Variants in PSMB7 observed in about 807,000 individuals in gnomAD.
The protein encoded by PSMB7 is proteasome subunit beta type-7.
In PSMB7, 5 loss-of-function variants were observed where a neutral mutation model predicts 28.1. The ratio of observed to expected loss-of-function variants is 0.18; its 90% CI spans 0.09 to 0.37. The LOEUF is 0.37. Ranked by LOEUF, PSMB7 falls within the 10% of genes least tolerant of loss-of-function variation. The probability of loss-of-function intolerance (pLI) is 1.00; values close to 1 mark genes in which losing one functional copy is unlikely to be tolerated. For missense variants in PSMB7, 275 were observed against 346.2 expected (o/e 0.79, Z 1.63); for synonymous variants, 122 against 123.7 (o/e 0.99, Z 0.09).
chr9:124,364,524 GAAAA>G (rs10595510), intron 6 of PSMB7, among the ~76,000 whole-genome samples: 1 of 132,118 alleles, frequency 7.6e-6, no homozygotes, highest in Non-Finnish European at 1.6e-5. Context: ...TGTAATCAGA[GAAAA>G]AAAAAAAAAA....
At chr9:124,368,328 T>G (rs903117534) in intron 6 of PSMB7, among the ~76,000 whole-genome samples, 2 of 152,266 alleles carry the variant, frequency 1.3e-5, no homozygotes, top group Non-Finnish European at 2.9e-5. Context: ...GGGTTTCTCT[T>G]TTTAAAGTAC....
At chr9:124,369,642 C>T (rs1830542447) in intron 6 of PSMB7, among the ~76,000 whole-genome samples, 1 of 152,210 alleles carries the variant, frequency 6.6e-6, no homozygotes, top group African/African-American at 2.4e-5. Context: ...TAGACACTGT[C>T]TGCCATTTCC....
intron 5 of PSMB7, among the ~76,000 whole-genome samples, chr9:124,402,508 G>T (rs1280394192): frequency 1.3e-5 from 2 of 152,170 alleles, no homozygotes; most frequent in African/African-American, 4.8e-5. Flanking sequence ...GGATTCAGAG[G>T]TGAAAGGCTG....
intron 6 of PSMB7, among the ~76,000 whole-genome samples, chr9:124,380,740 T>C (rs745776929): frequency 6.6e-5 from 10 of 152,258 alleles, no homozygotes; most frequent in South Asian, 4.2e-4. Context: ...CCAAAACCCA[T>C]TGAACTCTAC....
At chr9:124,405,197 G>A (rs984848733) in intron 5 of PSMB7, 120 bp downstream of exon 5, 1 of 661,578 alleles carries the variant, frequency 1.5e-6, no homozygotes, top group African/African-American at 1.8e-5. Flanking sequence ...GTATATATTT[G>A]CTGAATGAAT....
chr9:124,402,702 A>T (rs1830924056), intron 5 of PSMB7, among the ~76,000 whole-genome samples: 1 of 152,062 alleles, frequency 6.6e-6, no homozygotes, highest in African/African-American at 2.4e-5. Flanking sequence ...AAATTTAAGT[A>T]AAAAAAAGAA....
rs949200035 is a variant in PSMB7, at chr9:124,356,389, C to T, written c.722+375G>A. Among the ~76,000 whole-genome samples, 2 of 152,266 alleles carry T rather than the reference C, an allele frequency of 1.3e-5. No individual in the cohort carries two copies. Among genetic ancestry groups the T allele is most frequent in the East Asian group, 1.9e-4 (1 of 5,172 alleles). Reference sequence around the variant, plus strand: ...CTGACTTACACCCAGTTAGGAATCTCGGGGCACTCTGAGGGAAAGTGCTGG... The same window carrying T: ...CTGACTTACACCCAGTTAGGAATCTTGGGGCACTCTGAGGGAAAGTGCTGG... On this transcript the variant is annotated intron_variant, in intron 7 of 7. Transcript: ENST00000259457. This position sits in a 1 kb window ranked among gnomAD's most constrained non-coding sequence, Gnocchi z 4.4.
At chr9:124,386,965 G>A (rs962410272) in intron 5 of PSMB7, among the ~76,000 whole-genome samples, 1 of 151,926 alleles carries the variant, frequency 6.6e-6, no homozygotes, top group Non-Finnish European at 1.5e-5. Context: ...CCTTTTTCCT[G>A]GCCGGGCGCG....
At position 124,357,761 on chromosome 9, in the gene PSMB7, G is replaced by A. The variant is rs564720503; in HGVS notation, c.571-846C>T. On this transcript the variant is annotated intron_variant, in intron 6 of 7. Transcript: ENST00000259457. The stretch of plus-strand genomic sequence containing the variant: ...GCTGCAGAGGTGGATGACGCCCCCA[G>A]ATCCCTGCCCCCTAGGGGCTTAAGA... Among the ~76,000 whole-genome samples the A allele has an allele frequency of 1.1e-3, 175 of 152,286 alleles. 4 individuals carry two copies. Among genetic ancestry groups the A allele is most frequent in the African/African-American group, 3.2e-3 (132 of 41,556 alleles).
At chr9:124,414,702 G>A in intron 2 of PSMB7, 140 bp downstream of exon 2, 1 of 690,296 alleles carries the variant, frequency 1.4e-6, no homozygotes, top group Non-Finnish European at 2.6e-6. Flanking sequence ...GACAAAAGCA[G>A]TCGCTCCTGA....
chr9:124,408,477 GGATACTAT>G (rs1208421149), intron 4 of PSMB7, among the ~76,000 whole-genome samples: 25 of 152,032 alleles, frequency 1.6e-4, no homozygotes, highest in Non-Finnish European at 3.1e-4. Context: ...GCCACAAAAC[GGATACTAT>G]GACACCACCA....
intron 5 of PSMB7, among the ~76,000 whole-genome samples, chr9:124,384,901 A>T (rs1389958544): frequency 6.6e-6 from 1 of 152,244 alleles, no homozygotes; most frequent in Non-Finnish European, 1.5e-5. Flanking sequence ...GACAGGTATA[A>T]TTGTAAATTA....
In PSMB7 at chr9:124,384,303, G is replaced by A. The variant is rs1371563997; in HGVS notation, c.570+295C>T. On this transcript the variant is annotated intron_variant, in intron 6 of 7. Transcript: ENST00000259457. ...TATCGTGACACAGAAAGCTTGGTGC[G>A]CAAGAAAACATTCCACGTTACCACC... 22 of 347,182 alleles carry A rather than the reference G, an allele frequency of 6.3e-5. 1 individual carries two copies. The South Asian group carries it at 1.1e-3, about 17-fold the overall frequency. 21.5% of individuals were successfully genotyped at this position (347,182 alleles called of 1,614,324 possible). A position where few individuals can be genotyped will look rare whatever the true frequency, so the allele number is the denominator to read the frequency against.
chr9:124,404,954 A>T (rs1358212291), intron 5 of PSMB7, among the ~76,000 whole-genome samples: 1 of 152,168 alleles, frequency 6.6e-6, no homozygotes, highest in Non-Finnish European at 1.5e-5. Context: ...AGACTATAAA[A>T]ATATATTCAT....
intron 6 of PSMB7, among the ~76,000 whole-genome samples, chr9:124,371,124 C>T (rs1830558333): frequency 6.6e-6 from 1 of 152,142 alleles, no homozygotes; most frequent in Non-Finnish European, 1.5e-5. Flanking sequence ...CCGGGAGTCC[C>T]GCAGAGACAC....
At chr9:124,393,224 G>T (rs757149292) in intron 5 of PSMB7, among the ~76,000 whole-genome samples, 8 of 152,162 alleles carry the variant, frequency 5.3e-5, no homozygotes, top group Non-Finnish European at 1.2e-4. Context: ...CTCACTGCTC[G>T]GTAAAACAGA....
chr9:124,401,578 T>C (rs1830907623), intron 5 of PSMB7, among the ~76,000 whole-genome samples: 1 of 152,220 alleles, frequency 6.6e-6, no homozygotes, highest in Non-Finnish European at 1.5e-5. Flanking sequence ...AGCTTGGAAG[T>C]GACCTTTTCT....
chr9:124,404,090 A>C (rs1174739793), intron 5 of PSMB7, among the ~76,000 whole-genome samples: 1 of 151,822 alleles, frequency 6.6e-6, no homozygotes, highest in Non-Finnish European at 1.5e-5. Context: ...GGGTCTTGCT[A>C]TGTTGCCTAG....
intron 5 of PSMB7, among the ~76,000 whole-genome samples, chr9:124,391,848 T>G (rs200221998): frequency 1.6e-5 from 2 of 126,556 alleles, no homozygotes; most frequent in Non-Finnish European, 3.6e-5. Context: ...TTTTTCTATG[T>G]CAGAGTTCAC....
Sources: allele counts gnomAD v4.1 joint callset (sites outside exome capture counted in the v4.1 genomes callset), GRCh38; gene constraint gnomAD v4.1.1; non-coding constraint Gnocchi (gnomAD v3.1); transcripts MANE v1.5; gene names NCBI Gene and HGNC (gene_info 2026-07-23, HGNC 2026-07-21).